The following CADM1 variants were observed in gnomAD, a reference collection of about 807,000 sequenced individuals.
CADM1 encodes the protein TSLC-1.
CADM1 carries 15 observed loss-of-function variants against 53.1 expected under a neutral mutation model. The ratio of observed to expected loss-of-function variants is 0.28; its 90% CI spans 0.19 to 0.44. The LOEUF is 0.44. CADM1 is among the 20% of genes least tolerant of loss of function. The pLI is 1.00. For synonymous variants in CADM1, 281 were observed against 243.0 expected, an observed-to-expected ratio of 1.16 and a Z score of -1.45; for missense variants, 434 against 611.3, an observed-to-expected ratio of 0.71 and a Z score of 3.06.
chr11:115,186,684 T>C (rs992959054), intron 10 of CADM1, among the ~76,000 whole-genome samples: 7 of 152,206 alleles, frequency 4.6e-5, no homozygotes, highest in Non-Finnish European at 1.0e-4. Context: ...GAGATTTTCA[T>C]GAAAATCTTC....
intron 1 of CADM1, among the ~76,000 whole-genome samples, chr11:115,477,302 T>C (rs535978895): frequency 2.0e-5 from 3 of 152,348 alleles, no homozygotes; most frequent in Non-Finnish European, 4.4e-5. Flanking sequence ...CTGCCTTAAA[T>C]CTTATCCAAG....
At chr11:115,294,872 T>TA (rs891104377) in intron 1 of CADM1, among the ~76,000 whole-genome samples, 38 of 151,550 alleles carry the variant, frequency 2.5e-4, no homozygotes, top group Admixed American at 5.9e-4. Context: ...CCGTCTCTAC[T>TA]AAAAAAAATA....
In CADM1 at chr11:115,284,114, C is replaced by CTCTGTGTGTG. The variant is rs1351842329; in HGVS notation, c.125-43695_125-43694insCACACACAGA. Reference sequence around the variant, plus strand: ...TCTCTCTCTCTCTCTCTCTCTCTCTCTGTGTGTGTGTGTGTGTGTGTGTGT... The same window carrying CTCTGTGTGTG: ...TCTCTCTCTCTCTCTCTCTCTCTCTCTCTGTGTGTGTGTGTGTGTGTGTGTGTGTGTGTGT... On this transcript the variant is annotated intron_variant, in intron 1 of 11. Transcript: ENST00000331581. Among the ~76,000 whole-genome samples, 209 of 98,682 alleles carry CTCTGTGTGTG rather than the reference C, an allele frequency of 2.1e-3. 6 individuals are homozygous for CTCTGTGTGTG. The highest frequency in any genetic ancestry group is 7.6e-3 in the African/African-American group (197 of 26,058). 64.7% of individuals were successfully genotyped at this position (98,682 alleles called of 152,430 possible).
intron 1 of CADM1, among the ~76,000 whole-genome samples, chr11:115,418,967 A>G: frequency 6.6e-6 from 1 of 152,220 alleles, no homozygotes; most frequent in Non-Finnish European, 1.5e-5. Context: ...GAAGAAAGGA[A>G]AAGGAATCTG....
At chr11:115,234,360 T>C (rs537132469) in intron 3 of CADM1, among the ~76,000 whole-genome samples, 5 of 152,230 alleles carry the variant, frequency 3.3e-5, no homozygotes, top group Non-Finnish European at 7.4e-5. Context: ...TCGAGGAAAA[T>C]TCACCAATGT....
chr11:115,477,275 GA>G (rs138273240), intron 1 of CADM1, among the ~76,000 whole-genome samples: 91 of 151,172 alleles, frequency 6.0e-4, no homozygotes, highest in Non-Finnish European at 1.0e-3. Context: ...ATGGATCATG[GA>G]AAAAAAAATT....
intron 5 of CADM1, among the ~76,000 whole-genome samples, chr11:115,228,090 C>T (rs756621307): frequency 1.2e-4 from 19 of 152,240 alleles, no homozygotes; most frequent in East Asian, 5.8e-4. Context: ...GGTCATGTGA[C>T]GATGAAGGCA....
intron 1 of CADM1, among the ~76,000 whole-genome samples, chr11:115,346,479 CCACCT>C (rs1945581205): frequency 6.6e-6 from 1 of 152,186 alleles, no homozygotes; most frequent in Non-Finnish European, 1.5e-5. Flanking sequence ...GCTATCCTCC[CCACCT>C]CAGCCTCTCA....
intron 1 of CADM1, among the ~76,000 whole-genome samples, chr11:115,426,975 C>A (rs2135284626): frequency 6.6e-6 from 1 of 152,118 alleles, no homozygotes; most frequent in Non-Finnish European, 1.5e-5. Context: ...CACAGGAATA[C>A]AGGAGGATAT....
intron 1 of CADM1, among the ~76,000 whole-genome samples, chr11:115,467,183 T>C (rs145538298): frequency 6.6e-6 from 1 of 152,314 alleles, no homozygotes; most frequent in African/African-American, 2.4e-5. Flanking sequence ...ACAAGACGTC[T>C]GTAGTGGAGG....
chr11:115,223,210 G>A (rs1685010629), intron 5 of CADM1, among the ~76,000 whole-genome samples: 1 of 152,102 alleles, frequency 6.6e-6, no homozygotes, highest in South Asian at 2.1e-4. Context: ...TTTTTCTTTT[G>A]GAAGGTCAAT....
At chr11:115,194,092 C>G (rs974975526) in intron 9 of CADM1, 1 of 152,228 alleles carries the variant, frequency 6.6e-6, no homozygotes, top group Non-Finnish European at 1.5e-5. Context: ...TGCAGCCATT[C>G]GTAAACCTCT....
intron 10 of CADM1, among the ~76,000 whole-genome samples, chr11:115,182,828 C>A (rs1939374992): frequency 6.6e-6 from 1 of 152,180 alleles, no homozygotes; most frequent in African/African-American, 2.4e-5. Flanking sequence ...CTAAGTGTGA[C>A]AGATAAATCA....
At chr11:115,458,141 CT>C (rs1948719116) in intron 1 of CADM1, among the ~76,000 whole-genome samples, 3 of 143,846 alleles carry the variant, frequency 2.1e-5, no homozygotes, top group Non-Finnish European at 4.6e-5. Context: ...CTCTCTCTCT[CT>C]AATTACACTG....
Position 115,199,736 on chromosome 11 carries a change from G to C in CADM1, c.1079-1298C>G, listed in dbSNP as rs182931088. ...CGACTCATTGCTGGCAAAAAGAAATGGTGAAACTGAGACAGGAGTTAGTTA... is the reference window on the plus strand; with the variant it reads ...CGACTCATTGCTGGCAAAAAGAAATCGTGAAACTGAGACAGGAGTTAGTTA... On this transcript the variant is annotated intron_variant, in intron 8 of 11. Coordinates refer to ENST00000331581, the MANE Select transcript of CADM1 (RefSeq NM_001301043.2). 1.9e-3 allele frequency among the ~76,000 whole-genome samples: 287 copies of C among 152,298 alleles called. 2 individuals carry two copies. Among genetic ancestry groups the C allele is most frequent in the African/African-American group, 6.7e-3 (279 of 41,558 alleles).
At chr11:115,181,127 T>C (rs1283137354) in intron 10 of CADM1, among the ~76,000 whole-genome samples, 3 of 124,456 alleles carry the variant, frequency 2.4e-5, no homozygotes, top group Non-Finnish European at 4.7e-5. Flanking sequence ...GACCGCCTCC[T>C]CTCCATGCCT....
Position 115,217,960 on chromosome 11 carries a change from A to G in CADM1, c.753T>C (p.Tyr251=), listed in dbSNP as rs201557020. ...YKPQVHIQMT[Y]PLQGLTREGD... ...CTTCCCGGGTTAAGCCTTGTAGAGGATAAGTCATCTGAATGTGCACTTGAG... is the reference window on the plus strand; with the variant it reads ...CTTCCCGGGTTAAGCCTTGTAGAGGGTAAGTCATCTGAATGTGCACTTGAG... The change falls in exon 6 of 12, where the codon TAT becomes TAC. Residue 251 remains tyrosine (Y), a synonymous_variant. Coordinates refer to ENST00000331581, the MANE Select transcript of CADM1 (RefSeq NM_001301043.2). 21 of 1,613,518 alleles carry G rather than the reference A, an allele frequency of 1.3e-5. No homozygotes were observed. The African/African-American group carries it at 1.9e-4, about 14-fold the overall frequency.
In CADM1 at chr11:115,389,839, T is replaced by C. The variant is rs534239717; in HGVS notation, c.124+114432A>G. Among the ~76,000 whole-genome samples, 5 of 152,220 alleles carry C rather than the reference T, an allele frequency of 3.3e-5. No individual in the cohort carries two copies. The South Asian group carries it at 1.0e-3, about 32-fold the overall frequency. On this transcript the variant is annotated intron_variant, in intron 1 of 11. Coordinates refer to ENST00000331581, the MANE Select transcript of CADM1 (RefSeq NM_001301043.2). ...ATATAATACAAAAGAAGCTTTATTCTTTAAATTATAGAAGTTAGTAGGAAT... is the reference window on the plus strand; with the variant it reads ...ATATAATACAAAAGAAGCTTTATTCCTTAAATTATAGAAGTTAGTAGGAAT...
chr11:115,400,604 A>G (rs942604056), intron 1 of CADM1, among the ~76,000 whole-genome samples: 2 of 141,734 alleles, frequency 1.4e-5, no homozygotes, highest in African/African-American at 5.2e-5. Context: ...TCTCATATAT[A>G]TAATATATAT....
Sources: gnomAD v4.1 joint callset for allele counts (sites outside exome capture counted in the v4.1 genomes callset) on GRCh38, gnomAD v4.1.1 for gene constraint, MANE v1.5 for transcripts, NCBI Gene and HGNC (gene_info 2026-07-23, HGNC 2026-07-21) for gene names.